Variants in TRAF5 observed in about 807,000 individuals in gnomAD.
TRAF5 encodes the protein TNF receptor associated factor 5.
In TRAF5, 48 loss-of-function variants were observed where a neutral mutation model predicts 64.5. The ratio of observed to expected loss-of-function variants is 0.74; its 90% CI spans 0.59 to 0.95. TRAF5 has a LOEUF of 0.95. Among genes scored for constraint, TRAF5 ranks in the 40% least tolerant of loss-of-function variants. The pLI is 0.00. For missense variants in TRAF5, 545 were observed against 662.8 expected (o/e 0.82, Z 1.95); for synonymous variants, 206 against 240.5 (o/e 0.86, Z 1.33).
intron 1 of TRAF5, among the ~76,000 whole-genome samples, chr1:211,352,229 C>T (rs967361266): frequency 1.3e-5 from 2 of 152,090 alleles, no homozygotes; most frequent in South Asian, 2.1e-4. Flanking sequence ...GAGCAAGTCA[C>T]GTCTTACATG....
chr1:211,345,450 G>A (rs1702577147), intron 1 of TRAF5, among the ~76,000 whole-genome samples: 1 of 151,830 alleles, frequency 6.6e-6, no homozygotes, highest in African/African-American at 2.4e-5. Flanking sequence ...CCATGACCTT[G>A]AGAGAGAACT....
chr1:211,333,269 A>T (rs1283177930), intron 1 of TRAF5, among the ~76,000 whole-genome samples: 2 of 152,012 alleles, frequency 1.3e-5, no homozygotes, highest in African/African-American at 4.8e-5. Flanking sequence ...GCTCACTGCA[A>T]CCTCCGCCTC....
At chr1:211,349,583 G>C (rs1702718585) in intron 1 of TRAF5, among the ~76,000 whole-genome samples, 1 of 152,194 alleles carries the variant, frequency 6.6e-6, no homozygotes, top group Non-Finnish European at 1.5e-5. Context: ...CTGGACCTTA[G>C]GTTTCAATAT....
chr1:211,372,933 A>G lies in TRAF5; in HGVS notation c.*231A>G. ...ATTCTCTTATTATTTATATTTTTAT[A>G]TTTCTTGAAAGATGGTAAGTTTCTT... On this transcript the variant is annotated 3_prime_UTR_variant, in exon 11 of 11. Coordinates refer to ENST00000261464, the MANE Select transcript of TRAF5 (RefSeq NM_001033910.3). 1 of 371,376 alleles carries G rather than the reference A, an allele frequency of 2.7e-6. No homozygotes were observed. The highest frequency in any genetic ancestry group is 6.2e-5 in the South Asian group (1 of 16,072). 23.0% of individuals were successfully genotyped at this position (371,376 alleles called of 1,614,324 possible).
intron 4 of TRAF5, chr1:211,358,485 A>C (rs993866822): frequency 2.3e-5 from 3 of 131,484 alleles, no homozygotes; most frequent in African/African-American, 5.0e-5. Context: ...TAAAAAAAAA[A>C]AAAAACAAAA....
chr1:211,341,490 G>A (rs557366683), intron 1 of TRAF5, among the ~76,000 whole-genome samples: 1 of 152,330 alleles, frequency 6.6e-6, no homozygotes, highest in East Asian at 1.9e-4. Context: ...TATACCACAT[G>A]CCCAGATGAT....
intron 1 of TRAF5, among the ~76,000 whole-genome samples, chr1:211,350,812 G>A (rs1702762661): frequency 1.3e-5 from 2 of 152,144 alleles, no homozygotes; most frequent in Non-Finnish European, 2.9e-5. Flanking sequence ...GGGTTCTGAT[G>A]AGGTCCCTCT....
At position 211,335,507 on chromosome 1, in the gene TRAF5, T is replaced by C. The variant is rs192858077; in HGVS notation, c.-2+8618T>C. ...TTCTTCGTGCTGGGGAAGACTATTA[T>C]TGAACAGATAATTAATTACATAAAC... On this transcript the variant is annotated intron_variant, in intron 1 of 10. Transcript: ENST00000261464. Among the ~76,000 whole-genome samples, 21 of 152,298 alleles carry C rather than the reference T, an allele frequency of 1.4e-4. No homozygotes were observed. In the East Asian group the frequency reaches 4.1e-3, roughly 29 times the overall value.
chr1:211,336,905 C>T (rs1185323184), intron 1 of TRAF5, among the ~76,000 whole-genome samples: 2 of 152,230 alleles, frequency 1.3e-5, no homozygotes, highest in African/African-American at 4.8e-5. Flanking sequence ...CTGATCCGCT[C>T]ACCTCGGCCT....
intron 1 of TRAF5, among the ~76,000 whole-genome samples, chr1:211,338,227 G>C (rs541805898): frequency 6.6e-6 from 1 of 152,200 alleles, no homozygotes; most frequent in African/African-American, 2.4e-5. Flanking sequence ...ATCAGGGAAG[G>C]CTAAACTATT....
chr1:211,362,131 T>G (rs1398024542), intron 7 of TRAF5, among the ~76,000 whole-genome samples: 1 of 152,186 alleles, frequency 6.6e-6, no homozygotes, highest in Non-Finnish European at 1.5e-5. Context: ...CAAAATGGAC[T>G]TAAAATCGTG....
intron 3 of TRAF5, among the ~76,000 whole-genome samples, chr1:211,355,317 AT>A (rs1353565142): frequency 6.6e-6 from 1 of 152,004 alleles, no homozygotes; most frequent in Non-Finnish European, 1.5e-5. Flanking sequence ...AAAAATTTTC[AT>A]TTTGATGAAC....
chr1:211,349,321 G>A (rs1702710690), intron 1 of TRAF5, among the ~76,000 whole-genome samples: 1 of 152,244 alleles, frequency 6.6e-6, no homozygotes, highest in Non-Finnish European at 1.5e-5. Context: ...CAGTTCTGAA[G>A]GCTGAGAAGT....
intron 8 of TRAF5, among the ~76,000 whole-genome samples, chr1:211,367,813 G>A (rs1452182013): frequency 6.6e-6 from 1 of 152,300 alleles, no homozygotes; most frequent in African/African-American, 2.4e-5. Context: ...AGCCATTTGT[G>A]CATTCATTCA....
chr1:211,341,293 G>A (rs776038613), intron 1 of TRAF5, among the ~76,000 whole-genome samples: 8 of 152,172 alleles, frequency 5.3e-5, no homozygotes, highest in South Asian at 2.1e-4. Context: ...GAGCTGGGAG[G>A]AGAACCAACA....
rs1164864966 is a variant in TRAF5, at chr1:211,362,766, A to C, written c.696+1604A>C. ...AAAACCAGAAGCCATAATTTTGATAAATTTGTAAATATTTAAAACTTCTGT... is the reference window on the plus strand; with the variant it reads ...AAAACCAGAAGCCATAATTTTGATACATTTGTAAATATTTAAAACTTCTGT... On this transcript the variant is annotated intron_variant, in intron 7 of 10. Coordinates refer to ENST00000261464, the MANE Select transcript of TRAF5 (RefSeq NM_001033910.3). Among the ~76,000 whole-genome samples, 4 of 152,218 alleles carry C rather than the reference A, an allele frequency of 2.6e-5. No homozygotes were observed. The East Asian group carries it at 7.7e-4, about 29-fold the overall frequency.
intron 3 of TRAF5, among the ~76,000 whole-genome samples, chr1:211,355,708 G>A (rs769337093): frequency 3.3e-5 from 5 of 151,958 alleles, no homozygotes; most frequent in Non-Finnish European, 7.4e-5. Flanking sequence ...TGTAATGGTG[G>A]GTGCATAGAA....
At chr1:211,345,863 C>G (rs1428835420) in intron 1 of TRAF5, among the ~76,000 whole-genome samples, 4 of 152,214 alleles carry the variant, frequency 2.6e-5, no homozygotes, top group Non-Finnish European at 5.9e-5. Flanking sequence ...CCTCTTCCCA[C>G]TCTTCCCATC....
Position 211,353,457 on chromosome 1 carries a change from G to T in TRAF5, c.218G>T (p.Arg73Ile), listed in dbSNP as rs544149582. The T allele has an allele frequency of 6.2e-7, 1 of 1,611,742 alleles. No homozygotes were observed. Among genetic ancestry groups the T allele is most frequent in the Admixed American group, 1.7e-5 (1 of 59,872 alleles). The change falls in exon 2 of 11, where the codon AGA becomes ATA. Residue 73 changes from arginine (R) to isoleucine (I), a missense_variant and splice_region_variant. Transcript: ENST00000261464. ...RFCQHCILSL[R>I]ELNTVPICPV... ...TGCCAGCACTGCATCCTGTCCCTGA[G>T]GTGAGTGGGCAGGGCCTGCAACTCT...
Sources: gnomAD v4.1 joint callset for allele counts (sites outside exome capture counted in the v4.1 genomes callset) on GRCh38, gnomAD v4.1.1 for gene constraint, MANE v1.5 for transcripts, NCBI Gene and HGNC (gene_info 2026-07-23, HGNC 2026-07-21) for gene names.